Variants in VPS13C observed in about 807,000 individuals in gnomAD.
VPS13C encodes intermembrane lipid transfer protein VPS13C.
In VPS13C, 358 loss-of-function variants were observed where a neutral mutation model predicts 456.8. The ratio of observed to expected loss-of-function variants is 0.78; its 90% CI spans 0.72 to 0.86. The LOEUF is 0.86. Ranked by LOEUF, VPS13C falls within the 40% of genes least tolerant of loss-of-function variation. The pLI, the probability that VPS13C is intolerant of heterozygous loss-of-function variation, is 0.00. For synonymous variants in VPS13C, 1,578 were observed against 1,486.7 expected, an observed-to-expected ratio of 1.06 and a Z score of -1.41; for missense variants, 4,818 against 4,385.4, an observed-to-expected ratio of 1.10 and a Z score of -2.79.
chr15:61,989,427 T>A (rs2046157726), intron 18 of VPS13C, among the ~76,000 whole-genome samples: 1 of 151,912 alleles, frequency 6.6e-6, no homozygotes, highest in African/African-American at 2.4e-5. Flanking sequence ...AATGAAAATG[T>A]ACTTTACATT....
At chr15:61,878,867 A>G in intron 73 of VPS13C, 121 bp from the exon 74 acceptor site, 1 of 1,005,014 alleles carries the variant, frequency 1.0e-6, no homozygotes, top group Non-Finnish European at 1.4e-6. Flanking sequence ...AGTGAAAGCT[A>G]TTATTTGATA....
At chr15:61,891,021 T>C (rs193012514) in intron 66 of VPS13C, among the ~76,000 whole-genome samples, 1 of 152,260 alleles carries the variant, frequency 6.6e-6, no homozygotes, top group East Asian at 1.9e-4. Context: ...CACTCCAGCC[T>C]AGGCAACAAG....
At chr15:62,011,378 A>G (rs1005965630) in intron 12 of VPS13C, among the ~76,000 whole-genome samples, 1 of 152,078 alleles carries the variant, frequency 6.6e-6, no homozygotes, top group Non-Finnish European at 1.5e-5. Context: ...GATTTCACAA[A>G]CTAGCAGCAC....
intron 20 of VPS13C, chr15:61,983,602 G>A (rs189255168): frequency 4.7e-4 from 221 of 466,104 alleles, no homozygotes; most frequent in African/African-American, 3.0e-3. Flanking sequence ...TAACAAAGGC[G>A]TAGATAAATA....
intron 1 of VPS13C, among the ~76,000 whole-genome samples, chr15:62,058,605 T>C (rs923883954): frequency 1.3e-5 from 2 of 152,176 alleles, no homozygotes; most frequent in African/African-American, 2.4e-5. Context: ...ATAGGGTACA[T>C]ACAAATACTA....
intron 38 of VPS13C, among the ~76,000 whole-genome samples, chr15:61,952,670 G>C (rs990134312): frequency 6.6e-6 from 1 of 152,104 alleles, no homozygotes; most frequent in South Asian, 2.1e-4. Context: ...ATGTATTTCA[G>C]ATTCTAAAAA....
chr15:62,007,581 C>T, intron 14 of VPS13C, 102 bp from the exon 15 acceptor site: 1 of 1,008,192 alleles, frequency 9.9e-7, no homozygotes, highest in Non-Finnish European at 1.3e-6. Flanking sequence ...ATTTTTTGTT[C>T]TTCTTAACTG....
chr15:61,986,531 A>G, intron 18 of VPS13C, among the ~76,000 whole-genome samples: 1 of 152,194 alleles, frequency 6.6e-6, no homozygotes, highest in East Asian at 1.9e-4. Flanking sequence ...CACTATGTAC[A>G]TTAGAAGAAC....
chr15:61,959,376 T>C, intron 36 of VPS13C, 72 bp downstream of exon 36: 1 of 1,373,816 alleles, frequency 7.3e-7, no homozygotes, highest in Non-Finnish European at 9.7e-7. Flanking sequence ...TACATTTCAT[T>C]TGGATTTCTG....
intron 63 of VPS13C, among the ~76,000 whole-genome samples, chr15:61,911,506 G>A (rs1376893903): frequency 6.6e-6 from 1 of 152,118 alleles, no homozygotes; most frequent in East Asian, 1.9e-4. Context: ...ACTCTTTTAA[G>A]ATAATAGCTT....
chr15:61,959,578 C>T lies in VPS13C; in HGVS notation c.3926G>A (p.Gly1309Asp), dbSNP rs1596384337. Residue 1309 changes from glycine (G) to aspartate (D), a missense_variant, in exon 36 of 85, where the codon GGC (glycine) becomes GAC (aspartate). By Grantham distance (94) the Gly-to-Asp change is moderately conservative (BLOSUM62 -1). Around this residue, in one of 3 missense-constraint regions of VPS13C, gnomAD observed 4,552 missense variants for 4,130.6 expected, o/e 1.10. Coordinates refer to ENST00000644861, the MANE Select transcript of VPS13C (RefSeq NM_020821.3). ...CAGCTGAATATCAGGATGGTAGATGCCTGGCTGGATCACTGTCCTACGAAA... is the reference window on the plus strand; with the variant it reads ...CAGCTGAATATCAGGATGGTAGATGTCTGGCTGGATCACTGTCCTACGAAA... ...LTLYRTVIQP[G>D]IYHPDIQLLH... 6.2e-6 allele frequency: 10 copies of T among 1,611,824 alleles called. No homozygotes were observed. The highest frequency in any genetic ancestry group is 7.6e-6 in the Non-Finnish European group (9 of 1,178,582).
chr15:61,981,252 G>A, intron 22 of VPS13C, 90 bp downstream of exon 22: 1 of 1,389,136 alleles, frequency 7.2e-7, no homozygotes, highest in Non-Finnish European at 9.6e-7. Context: ...TTAGTTTAGT[G>A]AACTCTGAAG....
chr15:61,974,242 C>T (rs761672516), intron 25 of VPS13C, 46 bp downstream of exon 25: 9 of 1,557,416 alleles, frequency 5.8e-6, no homozygotes, highest in Non-Finnish European at 6.9e-6. Flanking sequence ...CATCACTGCT[C>T]TAAAACAATA....
At position 61,945,783 on chromosome 15, in the gene VPS13C, C is replaced by T. The variant is rs929356515; in HGVS notation, c.5080G>A (p.Gly1694Ser). 1.1e-5 allele frequency: 17 copies of T among 1,612,364 alleles called. No individual in the cohort carries two copies. The highest frequency in any genetic ancestry group is 1.4e-5 in the Non-Finnish European group (16 of 1,179,256). ...CAACCCACTTTAAAACTAAGTTTGC[C>T]GTCTACTTTGGACATATCAGCATAG... Reference protein sequence around the residue: ...EAYADMSKVDGKLSFKVGCIQ... With the variant: ...EAYADMSKVDSKLSFKVGCIQ... Residue 1694 changes from glycine (G) to serine (S), a missense_variant, in exon 45 of 85, where the codon GGC (glycine) becomes AGC (serine). Around this residue, in one of 3 missense-constraint regions of VPS13C, gnomAD observed 4,552 missense variants for 4,130.6 expected, o/e 1.10. Transcript: ENST00000644861.
intron 54 of VPS13C, 94 bp from the exon 55 acceptor site, chr15:61,922,127 T>C: frequency 7.5e-7 from 1 of 1,334,112 alleles, no homozygotes; most frequent in South Asian, 1.3e-5. Context: ...ATCAATGTTA[T>C]ATATCATTAG....
At position 61,950,345 on chromosome 15, in the gene VPS13C, A is replaced by T; in HGVS notation, c.4596+13T>A. 6.2e-7 allele frequency: 1 copy of T among 1,602,270 alleles called. No homozygotes were observed. The highest frequency in any genetic ancestry group is 8.5e-7 in the Non-Finnish European group (1 of 1,169,992). On this transcript the variant is annotated intron_variant, in intron 41 of 84. Transcript: ENST00000644861. Reference sequence around the variant, plus strand: ...ACACAACCCAACCTTATAGCAAATTATAAAAGTTTTACCTTCAGTCTCTGT... The same window carrying T: ...ACACAACCCAACCTTATAGCAAATTTTAAAAGTTTTACCTTCAGTCTCTGT...
In VPS13C at chr15:62,037,408, A is replaced by ATATAATATATTATATATAAATG. The variant is rs1567137357; in HGVS notation, c.188-2357_188-2356insCATTTATATATAATATATTATA. 4.0e-4 allele frequency among the ~76,000 whole-genome samples: 38 copies of ATATAATATATTATATATAAATG among 95,144 alleles called. 4 individuals are homozygous for ATATAATATATTATATATAAATG. Among genetic ancestry groups the ATATAATATATTATATATAAATG allele is most frequent in the Non-Finnish European group, 5.3e-4 (26 of 49,156 alleles). The allele number at this position is 95,144 out of a possible 152,430, so 62.4% of individuals were successfully genotyped here. On this transcript the variant is annotated intron_variant, in intron 3 of 84. Coordinates refer to ENST00000644861, the MANE Select transcript of VPS13C (RefSeq NM_020821.3). ...TGTATATAATATATTATATATAAAT[A>ATATAATATATTATATATAAATG]TATATAATATGTTATATATAAATAT...
rs1162406700 is a variant in VPS13C, at chr15:62,033,559, A to G, written c.284-17T>C. 3 of 1,499,018 alleles carry G rather than the reference A, an allele frequency of 2.0e-6. No homozygotes were observed. The highest frequency in any genetic ancestry group is 2.7e-6 in the Non-Finnish European group (3 of 1,101,498). 92.9% of individuals were successfully genotyped at this position (1,499,018 alleles called of 1,614,324 possible). A position where few individuals can be genotyped will look rare whatever the true frequency, so the allele number is the denominator to read the frequency against. On this transcript the variant is annotated splice_polypyrimidine_tract_variant and intron_variant, in intron 4 of 84. Coordinates refer to ENST00000644861, the MANE Select transcript of VPS13C (RefSeq NM_020821.3). ...ACTTAATACCTAAAAATATACAGTC[A>G]ATTCACACAAAAATAAATGGAATTA...
intron 49 of VPS13C, among the ~76,000 whole-genome samples, chr15:61,933,781 T>C (rs139468843): frequency 1.3e-5 from 2 of 152,140 alleles, no homozygotes; most frequent in African/African-American, 2.4e-5. Flanking sequence ...ATTTATTCAA[T>C]AGAAACACAA....
Sources: allele counts gnomAD v4.1 joint callset (sites outside exome capture counted in the v4.1 genomes callset), GRCh38; gene constraint gnomAD v4.1.1; regional missense constraint gnomAD v4.1.1; transcripts MANE v1.5; gene names NCBI Gene and HGNC (gene_info 2026-07-23, HGNC 2026-07-21).